The following HTR1A variants were observed in gnomAD, a reference collection of about 807,000 sequenced individuals.
HTR1A encodes 5-hydroxytryptamine receptor 1A, also known as 5-HT1a receptor.
HTR1A carries 17 observed loss-of-function variants against 24.6 expected under a neutral mutation model. The ratio of observed to expected loss-of-function variants is 0.69; its 90% CI spans 0.47 to 1.04. The LOEUF is 1.04. Among genes scored for constraint, HTR1A ranks in the 50% least tolerant of loss-of-function variants. The probability of loss-of-function intolerance (pLI) is 0.00; values close to 1 mark genes in which losing one functional copy is unlikely to be tolerated. For missense variants in HTR1A, 515 were observed against 565.1 expected, an observed-to-expected ratio of 0.91 and a Z score of 0.90; for synonymous variants, 262 against 244.6, an observed-to-expected ratio of 1.07 and a Z score of -0.67.
Position 63,960,232 on chromosome 5 carries a change from T to C in HTR1A, c.*219A>G, listed in dbSNP as rs995706327. On this transcript the variant is annotated 3_prime_UTR_variant, in exon 1 of 1. Coordinates refer to ENST00000323865, the MANE Select transcript of HTR1A (RefSeq NM_000524.4). ...TCGCTTCTCACAAACTCTCTGAATTTCCTGGGCTCTCAACGCTCCTCCGCT... is the reference window on the plus strand; with the variant it reads ...TCGCTTCTCACAAACTCTCTGAATTCCCTGGGCTCTCAACGCTCCTCCGCT... 1 of 608,298 alleles carries C rather than the reference T, an allele frequency of 1.6e-6. No homozygotes were observed. The highest frequency in any genetic ancestry group is 1.8e-5 in the African/African-American group (1 of 54,080). The allele number at this position is 608,298 out of a possible 1,614,324, so 37.7% of individuals were successfully genotyped here. A position where few individuals can be genotyped will look rare whatever the true frequency, so the allele number is the denominator to read the frequency against.
chr5:63,960,469 AC>A lies in HTR1A; in HGVS notation c.1250del (p.Cys417LeufsTer30), dbSNP rs754992654. The A allele has an allele frequency of 3.1e-6, 5 of 1,614,244 alleles. No individual in the cohort carries two copies. Among genetic ancestry groups the A allele is most frequent in the East Asian group, 2.2e-5 (1 of 44,878 alleles). On this transcript the variant is annotated frameshift_variant, in exon 1 of 1. Transcript: ENST00000323865. LOFTEE classifies it high-confidence loss of function. ...FQNAFKKIIK[C>X]KFCRQ is the part of the protein sequence containing the mutation. ...TCCGTCATCACTGGCGGCAGAACTTACACTTAATGATCTTCTTAAACGCGTT... is the reference window on the plus strand; with the variant it reads ...TCCGTCATCACTGGCGGCAGAACTTAACTTAATGATCTTCTTAAACGCGTT...
chr5:63,960,863 TCGTCACCTTGCCTCACCGCGCCATTGGC>T lies in HTR1A; in HGVS notation c.829_856del (p.Ala277MetfsTer7). ...CTCGATCACCTCCAGGGCGGCGCCATCGTCACCTTGCCTCACCGCGCCATTGGCGCACAGAGCACCCCCAGCCTTGCTC... is the reference window on the plus strand; with the variant it reads ...CTCGATCACCTCCAGGGCGGCGCCATGCACAGAGCACCCCCAGCCTTGCTC... On this transcript the variant is annotated frameshift_variant, in exon 1 of 1. Transcript: ENST00000323865. LOFTEE classifies it high-confidence loss of function. 1 of 1,614,064 alleles carries T rather than the reference TCGTCACCTTGCCTCACCGCGCCATTGGC, an allele frequency of 6.2e-7. No homozygotes were observed. Among genetic ancestry groups the T allele is most frequent in the Middle Eastern group, 1.6e-4 (1 of 6,062 alleles).
chr5:63,959,875 G>T lies in HTR1A; in HGVS notation c.*576C>A, dbSNP rs1357884199. Among the ~76,000 whole-genome samples the T allele has an allele frequency of 6.6e-6, 1 of 152,196 alleles. No individual in the cohort carries two copies. Among genetic ancestry groups the T allele is most frequent in the Non-Finnish European group, 1.5e-5 (1 of 68,040 alleles). On this transcript the variant is annotated 3_prime_UTR_variant, in exon 1 of 1. Transcript: ENST00000323865. ...CAGCCTCTTCCGCCTCTCCGGACCA[G>T]CAGATTCGTGCATAAGGATGGGCGA...
Position 63,959,425 on chromosome 5 carries a change from G to T in HTR1A, c.*1026C>A. On this transcript the variant is annotated 3_prime_UTR_variant, in exon 1 of 1. Transcript: ENST00000323865. ...AAGTCAGCAGCCGGGAGCGCCTAGC[G>T]CGCTGCGAGAGCACAGATGGCTGGG... 6.6e-6 allele frequency among the ~76,000 whole-genome samples: 1 copy of T among 152,364 alleles called. No homozygotes were observed. Among genetic ancestry groups the T allele is most frequent in the Non-Finnish European group, 1.5e-5 (1 of 68,028 alleles).
rs1746353444 is a variant in HTR1A at position 63,958,249 on chromosome 5, T to C, written c.*2202A>G. ...GAGTAATAGTTGTGCTGGAGAAGTC[T>C]ATCTTATCTTCTTCACTGCAGACCC... On this transcript the variant is annotated 3_prime_UTR_variant, in exon 1 of 1. Transcript: ENST00000323865. Among the ~76,000 whole-genome samples, 1 of 152,254 alleles carries C rather than the reference T, an allele frequency of 6.6e-6. No homozygotes were observed. Among genetic ancestry groups the C allele is most frequent in the Non-Finnish European group, 1.5e-5 (1 of 68,042 alleles).
chr5:63,961,081 A>G lies in HTR1A; in HGVS notation c.639T>C (p.Val213=), dbSNP rs776113717. The part of the protein sequence containing the change: ...AFYIPLLLML[V]LYGRIFRAAR... ...CAGCTCGGAATATGCGCCCATAGAG[A>G]ACCAGCATGAGCAGCAGCGGGATGT... The change falls in exon 1 of 1, where the codon GTT becomes GTC. Residue 213 remains valine, a synonymous_variant. Transcript: ENST00000323865. 6.2e-7 allele frequency: 1 copy of G among 1,614,204 alleles called. No individual in the cohort carries two copies. The highest frequency in any genetic ancestry group is 1.1e-5 in the South Asian group (1 of 91,086).
rs753230655 is a variant in HTR1A at position 63,959,414 on chromosome 5, G to A, written c.*1037C>T. Among the ~76,000 whole-genome samples, 15 of 152,250 alleles carry A rather than the reference G, an allele frequency of 9.9e-5. No homozygotes were observed. Among genetic ancestry groups the A allele is most frequent in the Non-Finnish European group, 1.8e-4 (12 of 68,050 alleles). On this transcript the variant is annotated 3_prime_UTR_variant, in exon 1 of 1. Coordinates refer to ENST00000323865, the MANE Select transcript of HTR1A (RefSeq NM_000524.4). ...CCAGATCCTGTAAGTCAGCAGCCGG[G>A]AGCGCCTAGCGCGCTGCGAGAGCAC...
rs997190594 is a variant in HTR1A at position 63,959,544 on chromosome 5, G to T, written c.*907C>A. Among the ~76,000 whole-genome samples, 1 of 152,238 alleles carries T rather than the reference G, an allele frequency of 6.6e-6. No individual in the cohort carries two copies. Among genetic ancestry groups the T allele is most frequent in the Non-Finnish European group, 1.5e-5 (1 of 68,040 alleles). The stretch of plus-strand genomic sequence containing the variant: ...AGTAAGTAAGTGGCGATGTCAGGTC[G>T]TACACACTCGCCAGCTACCTGTACA... On this transcript the variant is annotated 3_prime_UTR_variant, in exon 1 of 1. Transcript: ENST00000323865.
Position 63,961,075 on chromosome 5 carries a change from A to G in HTR1A, c.645T>C (p.Tyr215=). 1.2e-6 allele frequency: 2 copies of G among 1,614,246 alleles called. No homozygotes were observed. The highest frequency in any genetic ancestry group is 8.5e-7 in the Non-Finnish European group (1 of 1,180,050). Residue 215 remains tyrosine (Y), a synonymous_variant, in exon 1 of 1, where the codon TAT becomes TAC. Transcript: ENST00000323865. ...AGCGCGCAGCTCGGAATATGCGCCC[A>G]TAGAGAACCAGCATGAGCAGCAGCG... ...YIPLLLMLVL[Y]GRIFRAARFR...
Position 63,961,056 on chromosome 5 carries a change from C to G in HTR1A, c.664G>C (p.Ala222Pro), listed in dbSNP as rs1443653373. 1 of 1,614,232 alleles carries G rather than the reference C, an allele frequency of 6.2e-7. No homozygotes were observed. The highest frequency in any genetic ancestry group is 8.5e-7 in the Non-Finnish European group (1 of 1,180,050). The change falls in exon 1 of 1, where the codon GCG becomes CCG. Residue 222 changes from alanine to proline, a missense_variant. This residue lies in a region of HTR1A where 381 missense variants were observed against 384.5 expected (regional missense o/e 0.99). Transcript: ENST00000323865. ...ACCGTCTTGCGGATGCGGAAGCGCG[C>G]AGCTCGGAATATGCGCCCATAGAGA... ...LVLYGRIFRA[A>P]RFRIRKTVKK...
In HTR1A at chr5:63,961,243, G is replaced by A. The variant is rs149016851; in HGVS notation, c.477C>T (p.Leu159=). The A allele has an allele frequency of 1.9e-4, 311 of 1,614,090 alleles. 1 individual carries two copies. The highest frequency in any genetic ancestry group is 3.6e-5 in the Non-Finnish European group (43 of 1,180,048). The change falls in exon 1 of 1, where the codon CTC becomes CTT. Residue 159 remains leucine (L), a synonymous_variant. Transcript: ENST00000323865. ...TPRRAAALIS[L]TWLIGFLISI... ...AGATGAGGAAGCCAATAAGCCAAGT[G>A]AGCGAGATGAGCGCAGCGGCGCGCC...
Position 63,961,301 on chromosome 5 carries a change from TC to T in HTR1A, c.418del (p.Asp140ThrfsTer6). ...IALDRYWAIT[D>X]PIDYVNKRTP... ...CCTCTTGTTCACGTAGTCGATGGGG[TC>T]CGTGATGGCCCAGTACCTGTCCAGC... On this transcript the variant is annotated frameshift_variant, in exon 1 of 1. Coordinates refer to ENST00000323865, the MANE Select transcript of HTR1A (RefSeq NM_000524.4). LOFTEE classifies it high-confidence loss of function. The T allele has an allele frequency of 6.2e-7, 1 of 1,614,004 alleles. No individual in the cohort carries two copies. Among genetic ancestry groups the T allele is most frequent in the Non-Finnish European group, 8.5e-7 (1 of 1,179,984 alleles).
chr5:63,961,837 A>C lies in HTR1A; in HGVS notation c.-118T>G. 1 of 1,041,910 alleles carries C rather than the reference A, an allele frequency of 9.6e-7. No individual in the cohort carries two copies. Among genetic ancestry groups the C allele is most frequent in the Non-Finnish European group, 1.5e-6 (1 of 681,696 alleles). 64.5% of individuals were successfully genotyped at this position (1,041,910 alleles called of 1,614,324 possible). On this transcript the variant is annotated 5_prime_UTR_variant, in exon 1 of 1. Transcript: ENST00000323865. The stretch of plus-strand genomic sequence containing the variant: ...GGGAAGTTTCGGAGGAAGGGAATGC[A>C]GAGACCCAAGCAGGAAGTTCTTACT...
In HTR1A at chr5:63,960,247, G is replaced by C. The variant is rs748106938; in HGVS notation, c.*204C>G. The C allele has an allele frequency of 1.6e-5, 10 of 634,058 alleles. No individual in the cohort carries two copies. The highest frequency in any genetic ancestry group is 7.3e-5 in the African/African-American group (4 of 54,894). 39.3% of individuals were successfully genotyped at this position (634,058 alleles called of 1,614,324 possible). A position where few individuals can be genotyped will look rare whatever the true frequency, so the allele number is the denominator to read the frequency against. ...TCTCTGAATTTCCTGGGCTCTCAAC[G>C]CTCCTCCGCTGGGTCTCCTTTGCAC... On this transcript the variant is annotated 3_prime_UTR_variant, in exon 1 of 1. Coordinates refer to ENST00000323865, the MANE Select transcript of HTR1A (RefSeq NM_000524.4).
chr5:63,961,283 T>C lies in HTR1A; in HGVS notation c.437A>G (p.Asn146Ser). ...WAITDPIDYV[N>S]KRTPRRAAAL... ...AGCGGCGCGCCGGGGCGTCCTCTTG[T>C]TCACGTAGTCGATGGGGTCCGTGAT... is the stretch of plus-strand genomic sequence containing the variant. The change falls in exon 1 of 1, where the codon AAC (asparagine) becomes AGC (serine). Residue 146 changes from asparagine to serine, a missense_variant. By Grantham distance (46) the Asn-to-Ser change is conservative. Transcript: ENST00000323865. 6 of 1,614,114 alleles carry C rather than the reference T, an allele frequency of 3.7e-6. No individual in the cohort carries two copies. Among genetic ancestry groups the C allele is most frequent in the Non-Finnish European group, 5.1e-6 (6 of 1,179,996 alleles).
In HTR1A at chr5:63,960,868, A is replaced by C. The variant is rs755997333; in HGVS notation, c.852T>G (p.Gly284=). The change falls in exon 1 of 1, where the codon GGT becomes GGG. Residue 284 remains glycine (G), a synonymous_variant. Transcript: ENST00000323865. ...ALCANGAVRQ[G]DDGAALEVIE... ...TCACCTCCAGGGCGGCGCCATCGTC[A>C]CCTTGCCTCACCGCGCCATTGGCGC... 37 of 1,613,878 alleles carry C rather than the reference A, an allele frequency of 2.3e-5. No individual in the cohort carries two copies. The East Asian group carries it at 8.3e-4, about 36-fold the overall frequency.
chr5:63,961,023 C>T lies in HTR1A; in HGVS notation c.697G>A (p.Val233Met). 1 of 1,614,214 alleles carries T rather than the reference C, an allele frequency of 6.2e-7. No individual in the cohort carries two copies. The highest frequency in any genetic ancestry group is 1.1e-5 in the South Asian group (1 of 91,082). Residue 233 changes from valine (V) to methionine (M), a missense_variant, in exon 1 of 1, where the codon GTG becomes ATG. Coordinates refer to ENST00000323865, the MANE Select transcript of HTR1A (RefSeq NM_000524.4). ...CGGGTGTCCGCTCCGGTCTTCTCCA[C>T]CTTTTTGACCGTCTTGCGGATGCGG... Reference protein sequence around the residue: ...RFRIRKTVKKVEKTGADTRHG... With the variant: ...RFRIRKTVKKMEKTGADTRHG...
At position 63,960,750 on chromosome 5, in the gene HTR1A, T is replaced by C. The variant is rs768080641; in HGVS notation, c.970A>G (p.Lys324Glu). 6.2e-7 allele frequency: 1 copy of C among 1,614,184 alleles called. No homozygotes were observed. The highest frequency in any genetic ancestry group is 1.7e-5 in the Admixed American group (1 of 60,036). Residue 324 changes from lysine to glutamate, a missense_variant, in exon 1 of 1, where the codon AAA (lysine) becomes GAA (glutamate). Around this residue, in one of 3 missense-constraint regions of HTR1A, gnomAD observed 381 missense variants for 384.5 expected, o/e 0.99. Transcript: ENST00000323865. ...TTCGCCTCGGCGTTGCGCTCATTTT[T>C]CCTCTCGAAAGAGGCGGGGGCACAA... ...TPCAPASFER[K>E]NERNAEAKRK...
Position 63,958,499 on chromosome 5 carries a change from G to A in HTR1A, c.*1952C>T, listed in dbSNP as rs186729125. 7.6e-4 allele frequency among the ~76,000 whole-genome samples: 116 copies of A among 152,322 alleles called. No individual in the cohort carries two copies. Among genetic ancestry groups the A allele is most frequent in the African/African-American group, 2.8e-3 (116 of 41,582 alleles). ...TTTTCACTGGCAATTTTTGCAATCT[G>A]TAAATGTAATACGGTTCTCAAAACA... On this transcript the variant is annotated 3_prime_UTR_variant, in exon 1 of 1. Transcript: ENST00000323865.
Sources: allele counts gnomAD v4.1 joint callset (sites outside exome capture counted in the v4.1 genomes callset), GRCh38; gene constraint gnomAD v4.1.1; regional missense constraint gnomAD v4.1.1; transcripts MANE v1.5; gene names NCBI Gene and HGNC (gene_info 2026-07-23, HGNC 2026-07-21).